The following SLC35F3 variants were observed in gnomAD, a reference collection of about 807,000 sequenced individuals.
SLC35F3 encodes putative thiamine transporter SLC35F3.
Under a neutral mutation model 49.9 loss-of-function variants are expected in SLC35F3, and 25 were observed. The observed-to-expected ratio is 0.50, with a 90% CI of 0.37 to 0.70. The LOEUF (loss-of-function observed/expected upper bound fraction) is 0.70. SLC35F3 is among the 30% of genes least tolerant of loss of function. SLC35F3 has a pLI of 0.00. For synonymous variants in SLC35F3, 275 were observed against 265.4 expected (o/e 1.04, Z -0.35); for missense variants, 525 against 639.8 (o/e 0.82, Z 1.94).
At chr1:234,089,328 G>A (rs1257403572) in intron 2 of SLC35F3, among the ~76,000 whole-genome samples, 1 of 152,214 alleles carries the variant, frequency 6.6e-6, no homozygotes. Context: ...CACTGTGGAA[G>A]GACGGCATTA....
intron 2 of SLC35F3, chr1:234,213,944 G>A (rs1024539440): frequency 6.5e-6 from 1 of 153,390 alleles, no homozygotes; most frequent in African/African-American, 2.4e-5. Flanking sequence ...AATAATTCAG[G>A]ACTTCCGCAC....
In SLC35F3 at chr1:233,944,866, G is replaced by T. The variant is rs1453777445; in HGVS notation, c.283+39108G>T. ...ACGATGCTCTTACGATTGTAGAGGGGACGGAAGGGACCATGGCAACATTCC... is the reference window on the plus strand; with the variant it reads ...ACGATGCTCTTACGATTGTAGAGGGTACGGAAGGGACCATGGCAACATTCC... On this transcript the variant is annotated intron_variant, in intron 2 of 7. Transcript: ENST00000366618. Among the ~76,000 whole-genome samples the T allele has an allele frequency of 3.9e-5, 6 of 152,248 alleles. No homozygotes were observed. In the South Asian group the frequency reaches 8.3e-4, roughly 21 times the overall value.
intron 2 of SLC35F3, among the ~76,000 whole-genome samples, chr1:233,978,338 A>G (rs796215265): frequency 3.9e-5 from 6 of 152,328 alleles, no homozygotes; most frequent in African/African-American, 1.4e-4. Context: ...AACGTGATTC[A>G]ATTGCATTGA....
At chr1:233,996,331 A>G (rs958861383) in intron 2 of SLC35F3, among the ~76,000 whole-genome samples, 9 of 152,166 alleles carry the variant, frequency 5.9e-5, no homozygotes, top group Admixed American at 5.2e-4. Flanking sequence ...ATATGCAAAC[A>G]CCATGCTACT....
intron 2 of SLC35F3, among the ~76,000 whole-genome samples, chr1:233,939,258 C>A (rs1433180173): frequency 6.6e-6 from 1 of 152,068 alleles, no homozygotes; most frequent in African/African-American, 2.4e-5. Flanking sequence ...TCAAGACCAG[C>A]CTGGGCAACA....
At position 233,904,733 on chromosome 1, in the gene SLC35F3, TC is replaced by T. The variant is rs982884507; in HGVS notation, c.-342del. Among the ~76,000 whole-genome samples the T allele has an allele frequency of 1.3e-5, 2 of 151,760 alleles. No homozygotes were observed. The highest frequency in any genetic ancestry group is 2.9e-5 in the Non-Finnish European group (2 of 67,902). On this transcript the variant is annotated 5_prime_UTR_variant, in exon 1 of 8. Coordinates refer to ENST00000366618, the MANE Select transcript of SLC35F3 (RefSeq NM_173508.4). ...CGAGAGCGCACAGCTGGGAGGGCTC[TC>T]CCGGTCGCGGCGAGACTCACGCCTG...
At chr1:234,032,961 T>C (rs755420513) in intron 2 of SLC35F3, among the ~76,000 whole-genome samples, 11 of 152,186 alleles carry the variant, frequency 7.2e-5, no homozygotes, top group Non-Finnish European at 1.2e-4. Context: ...ATAGTAGTTA[T>C]ACTAGTTTAT....
rs1019410195 is a variant in SLC35F3 at position 234,087,509 on chromosome 1, C to G, written c.284-143908C>G. Among the ~76,000 whole-genome samples, 7 of 152,198 alleles carry G rather than the reference C, an allele frequency of 4.6e-5. No individual in the cohort carries two copies. In the South Asian group the frequency reaches 1.5e-3, roughly 32 times the overall value. Reference sequence around the variant, plus strand: ...TAAGCCAAGAGTTAAATGTCCTGTTCAACATCACCCAACCAAGCTAGTGAA... The same window carrying G: ...TAAGCCAAGAGTTAAATGTCCTGTTGAACATCACCCAACCAAGCTAGTGAA... On this transcript the variant is annotated intron_variant, in intron 2 of 7. Coordinates refer to ENST00000366618, the MANE Select transcript of SLC35F3 (RefSeq NM_173508.4).
chr1:234,033,980 G>T (rs759135571), intron 2 of SLC35F3, among the ~76,000 whole-genome samples: 26 of 152,156 alleles, frequency 1.7e-4, no homozygotes, highest in Admixed American at 1.7e-3. Context: ...AGTCTGTCCA[G>T]CCATAAACAT....
intron 2 of SLC35F3, among the ~76,000 whole-genome samples, chr1:234,068,069 C>T (rs898618259): frequency 1.3e-5 from 2 of 152,128 alleles, no homozygotes; most frequent in African/African-American, 4.8e-5. Context: ...AACCTCATGG[C>T]TCTCCTAGAG....
At chr1:234,245,337 T>C (rs907429699) in intron 3 of SLC35F3, among the ~76,000 whole-genome samples, 2 of 152,260 alleles carry the variant, frequency 1.3e-5, no homozygotes, top group Non-Finnish European at 2.9e-5. Context: ...CCATTGTGTA[T>C]ATATGCCACA....
intron 2 of SLC35F3, among the ~76,000 whole-genome samples, chr1:233,936,396 CTG>C (rs1298256991): frequency 4.6e-5 from 7 of 152,208 alleles, no homozygotes; most frequent in Admixed American, 2.0e-4. Flanking sequence ...TATCGTCTCT[CTG>C]TTTCTTATAG....
chr1:234,187,800 C>T (rs1280750632), intron 2 of SLC35F3, among the ~76,000 whole-genome samples: 2 of 152,094 alleles, frequency 1.3e-5, no homozygotes, highest in Admixed American at 6.5e-5. Context: ...CACAGGGGTC[C>T]CTGGGGAGGG....
intron 2 of SLC35F3, among the ~76,000 whole-genome samples, chr1:234,207,027 C>T (rs1323879318): frequency 1.3e-5 from 2 of 152,116 alleles, no homozygotes; most frequent in Admixed American, 1.3e-4. Flanking sequence ...CTGGCGTTGA[C>T]GAGGATCCGA....
intron 2 of SLC35F3, among the ~76,000 whole-genome samples, chr1:233,923,009 C>G (rs1173020932): frequency 6.6e-6 from 1 of 152,098 alleles, no homozygotes; most frequent in Admixed American, 6.6e-5. Flanking sequence ...TGGTCTATAT[C>G]CGCGTTTTGG....
chr1:234,007,600 C>G (rs1663649909), intron 2 of SLC35F3, among the ~76,000 whole-genome samples: 2 of 152,200 alleles, frequency 1.3e-5, no homozygotes, highest in South Asian at 4.1e-4. Flanking sequence ...TGACTATTCA[C>G]TTGTATATTA....
In SLC35F3 at chr1:234,109,900, G is replaced by A. The variant is rs79381445; in HGVS notation, c.284-121517G>A. On this transcript the variant is annotated intron_variant, in intron 2 of 7. Transcript: ENST00000366618. ...GAGCTGGGCTTTGAAGATGGGTGTG[G>A]CGAGATGCCATGGCCAGGGGCACAG... Among the ~76,000 whole-genome samples the A allele has an allele frequency of 3.1e-4, 47 of 152,306 alleles. No homozygotes were observed. In the East Asian group the frequency reaches 9.1e-3, roughly 29 times the overall value.
At chr1:234,296,734 A>G (rs138138283) in intron 3 of SLC35F3, among the ~76,000 whole-genome samples, 98 of 152,346 alleles carry the variant, frequency 6.4e-4, no homozygotes. Flanking sequence ...CATGCAAAAT[A>G]ACCAGCTGGT....
intron 2 of SLC35F3, among the ~76,000 whole-genome samples, chr1:234,043,789 T>C (rs892105877): frequency 7.9e-5 from 12 of 152,258 alleles, no homozygotes; most frequent in African/African-American, 2.9e-4. Flanking sequence ...TATTATTCTA[T>C]ACATAGCATT....
Sources: gnomAD v4.1 joint callset for allele counts (sites outside exome capture counted in the v4.1 genomes callset) on GRCh38, gnomAD v4.1.1 for gene constraint, MANE v1.5 for transcripts, NCBI Gene and HGNC (gene_info 2026-07-23, HGNC 2026-07-21) for gene names.